Variants in RBM6 observed in about 807,000 individuals in gnomAD.
RBM6 encodes the protein RNA-binding protein 6.
Under a neutral mutation model 140.4 loss-of-function variants are expected in RBM6, and 23 were observed. The observed-to-expected ratio is 0.16, with a 90% confidence interval of 0.12 to 0.23. The LOEUF (loss-of-function observed/expected upper bound fraction) is 0.23. Ranked by LOEUF, RBM6 falls within the 10% of genes least tolerant of loss-of-function variation. The pLI is 1.00. For synonymous variants in RBM6, 439 were observed against 475.6 expected, an observed-to-expected ratio of 0.92 and a Z score of 1.00; for missense variants, 1,139 against 1,386.7, an observed-to-expected ratio of 0.82 and a Z score of 2.84.
intron 5 of RBM6, among the ~76,000 whole-genome samples, chr3:49,982,388 G>A (rs915957708): frequency 8.0e-5 from 12 of 149,666 alleles, no homozygotes; most frequent in Admixed American, 3.4e-4. Context: ...GACTACAGGC[G>A]TGTGCCACCA....
intron 1 of RBM6, among the ~76,000 whole-genome samples, chr3:49,946,506 T>G (rs1409623617): frequency 6.6e-6 from 1 of 150,444 alleles, no homozygotes; most frequent in African/African-American, 2.4e-5. Flanking sequence ...TCCCAAAGTG[T>G]TGGGATTATA....
intron 3 of RBM6, among the ~76,000 whole-genome samples, chr3:49,971,783 T>C (rs1206642917): frequency 1.3e-5 from 2 of 152,170 alleles, no homozygotes; most frequent in Non-Finnish European, 2.9e-5. Flanking sequence ...TGTTAGTGTG[T>C]CTTTCTGGTT....
intron 5 of RBM6, among the ~76,000 whole-genome samples, chr3:49,977,061 A>G (rs959753851): frequency 3.3e-5 from 5 of 152,180 alleles, no homozygotes; most frequent in Non-Finnish European, 7.3e-5. Flanking sequence ...CAGCCAGATC[A>G]TGTTACTCCC....
At chr3:50,017,186 T>TA (rs1338097148) in intron 6 of RBM6, among the ~76,000 whole-genome samples, 1 of 152,178 alleles carries the variant, frequency 6.6e-6, no homozygotes, top group Non-Finnish European at 1.5e-5. Flanking sequence ...TTGTCATATA[T>TA]TTTTTGGCAA....
intron 7 of RBM6, among the ~76,000 whole-genome samples, chr3:50,049,888 A>G (rs145308248): frequency 1.3e-3 from 197 of 148,472 alleles, no homozygotes; most frequent in African/African-American, 4.4e-3. Context: ...GGATCTCACT[A>G]TGTTGCCCAG....
Position 49,978,921 on chromosome 3 carries a change from A to G in RBM6, c.1483+3529A>G, listed in dbSNP as rs367590133. 6.6e-5 allele frequency among the ~76,000 whole-genome samples: 10 copies of G among 152,208 alleles called. No homozygotes were observed. In the East Asian group the frequency reaches 1.5e-3, roughly 23 times the overall value. ...CTTGAATTATATGATTATTTCTGGAAAAAGTACCAGGAGTAAAATGTCTTT... is the reference window on the plus strand; with the variant it reads ...CTTGAATTATATGATTATTTCTGGAGAAAGTACCAGGAGTAAAATGTCTTT... On this transcript the variant is annotated intron_variant, in intron 5 of 20. Coordinates refer to ENST00000266022, the MANE Select transcript of RBM6 (RefSeq NM_005777.3).
chr3:50,000,713 C>T lies in RBM6; in HGVS notation c.1557+1200C>T, dbSNP rs146123297. The stretch of plus-strand genomic sequence containing the variant: ...GGATTACAGGCATGAGCCACCGTGC[C>T]CAGCCAGGCCCAGAATCTTAAAAGA... On this transcript the variant is annotated intron_variant, in intron 6 of 20. Coordinates refer to ENST00000266022, the MANE Select transcript of RBM6 (RefSeq NM_005777.3). 1.4e-4 allele frequency among the ~76,000 whole-genome samples: 21 copies of T among 152,232 alleles called. No individual in the cohort carries two copies. In the East Asian group the frequency reaches 4.1e-3, roughly 29 times the overall value.
At chr3:50,018,549 G>A (rs2087294665) in intron 6 of RBM6, among the ~76,000 whole-genome samples, 3 of 150,476 alleles carry the variant, frequency 2.0e-5, no homozygotes, top group Admixed American at 6.6e-5. Context: ...AAATACAAGG[G>A]GCATGATTAC....
chr3:50,011,371 C>T (rs1428661120), intron 6 of RBM6, among the ~76,000 whole-genome samples: 1 of 152,114 alleles, frequency 6.6e-6, no homozygotes, highest in Non-Finnish European at 1.5e-5. Context: ...TAAGGTTGAA[C>T]GGACTTTCTG....
intron 6 of RBM6, among the ~76,000 whole-genome samples, chr3:50,027,164 G>A (rs2087887095): frequency 6.6e-6 from 1 of 152,096 alleles, no homozygotes; most frequent in Non-Finnish European, 1.5e-5. Flanking sequence ...AGGAGAAAAA[G>A]CTGGAGGCAG....
chr3:49,969,316 C>T (rs1351761003), intron 3 of RBM6, among the ~76,000 whole-genome samples: 2 of 147,434 alleles, frequency 1.4e-5, no homozygotes, highest in East Asian at 3.9e-4. Flanking sequence ...AGCCACCGTG[C>T]CTGGCCAGTT....
intron 6 of RBM6, among the ~76,000 whole-genome samples, chr3:50,013,767 A>G (rs1345079760): frequency 1.3e-5 from 2 of 152,238 alleles, no homozygotes; most frequent in Admixed American, 6.5e-5. Context: ...AGCAGCAACC[A>G]TGGCAAAGGG....
At chr3:50,032,783 C>T (rs1339983420) in intron 6 of RBM6, among the ~76,000 whole-genome samples, 3 of 151,750 alleles carry the variant, frequency 2.0e-5, no homozygotes, top group Admixed American at 1.3e-4. Flanking sequence ...GGTCAGAGTT[C>T]GAGACTAGCC....
intron 6 of RBM6, among the ~76,000 whole-genome samples, chr3:50,036,581 C>T (rs1292739986): frequency 6.6e-6 from 1 of 152,062 alleles, no homozygotes; most frequent in Non-Finnish European, 1.5e-5. Flanking sequence ...GATATTATAG[C>T]TCAGTAAATG....
chr3:49,986,092 T>A (rs2085542016), intron 5 of RBM6, among the ~76,000 whole-genome samples: 1 of 151,900 alleles, frequency 6.6e-6, no homozygotes, highest in African/African-American at 2.4e-5. Flanking sequence ...GTACAAGTGA[T>A]TCTTCTGCAT....
intron 6 of RBM6, among the ~76,000 whole-genome samples, chr3:50,018,255 A>G (rs1436078777): frequency 6.6e-6 from 1 of 152,158 alleles, no homozygotes. Flanking sequence ...GCAGAATTTT[A>G]TATAGTTGGA....
intron 6 of RBM6, among the ~76,000 whole-genome samples, chr3:50,033,458 G>C (rs2088304935): frequency 6.6e-6 from 1 of 151,944 alleles, no homozygotes; most frequent in Non-Finnish European, 1.5e-5. Context: ...TAATAAAAAT[G>C]TTCACTTCTG....
At chr3:49,948,064 G>C (rs1176850575) in intron 1 of RBM6, among the ~76,000 whole-genome samples, 1 of 152,080 alleles carries the variant, frequency 6.6e-6, no homozygotes, top group Non-Finnish European at 1.5e-5. Flanking sequence ...CTGCCCTCCA[G>C]CCTGGGCGAC....
intron 1 of RBM6, among the ~76,000 whole-genome samples, chr3:49,942,549 G>A (rs2083332510): frequency 6.7e-6 from 1 of 148,972 alleles, no homozygotes; most frequent in Admixed American, 6.8e-5. Flanking sequence ...CATTCACAAT[G>A]TAGTACAAGC....
Sources: allele counts gnomAD v4.1 joint callset (sites outside exome capture counted in the v4.1 genomes callset), GRCh38; gene constraint gnomAD v4.1.1; transcripts MANE v1.5; gene names NCBI Gene and HGNC (gene_info 2026-07-23, HGNC 2026-07-21).